TMCC2: variants seen among roughly 807,000 people sequenced by gnomAD.
The protein encoded by TMCC2 is transmembrane and coiled-coil domains protein 2.
A neutral mutation model predicts 49.4 loss-of-function variants in TMCC2; 16 were observed. The ratio of observed to expected loss-of-function variants is 0.32; its 90% CI spans 0.22 to 0.49. The LOEUF is 0.49. Among genes scored for constraint, TMCC2 ranks in the 20% least tolerant of loss-of-function variants. TMCC2 has a pLI of 0.99. For synonymous variants in TMCC2, 397 were observed against 434.1 expected, an observed-to-expected ratio of 0.91 and a Z score of 1.06; for missense variants, 762 against 989.8, an observed-to-expected ratio of 0.77 and a Z score of 3.09.
At chr1:205,229,129 G>A in intron 1 of TMCC2, 1 of 1,130,270 alleles carries the variant, frequency 8.8e-7, no homozygotes, top group Non-Finnish European at 1.1e-6. Context: ...TCCTTGCTGA[G>A]TAAGTCTCTA....
At chr1:205,249,503 G>A (rs1406266916) in intron 2 of TMCC2, among the ~76,000 whole-genome samples, 3 of 152,172 alleles carry the variant, frequency 2.0e-5, no homozygotes, top group Non-Finnish European at 4.4e-5. Flanking sequence ...AAACATGACC[G>A]CTCAGCCAGC....
chr1:205,261,350 A>G (rs537799577), intron 2 of TMCC2, among the ~76,000 whole-genome samples: 179 of 151,162 alleles, frequency 1.2e-3, no homozygotes, highest in African/African-American at 4.1e-3. Flanking sequence ...GACTACAGGC[A>G]TGCACCACCA....
At chr1:205,268,836 T>G (rs1661453239) in intron 2 of TMCC2, 114 bp from the exon 3 acceptor site, 1 of 1,020,206 alleles carries the variant, frequency 9.8e-7, no homozygotes, top group South Asian at 1.5e-5. Context: ...GGTTGTCTTC[T>G]TTTGGACTCC....
At chr1:205,231,188 T>C (rs1342649250) in intron 1 of TMCC2, among the ~76,000 whole-genome samples, 2 of 152,078 alleles carry the variant, frequency 1.3e-5, no homozygotes, top group Non-Finnish European at 2.9e-5. Context: ...CAGATGTGAC[T>C]TGGGGACTTT....
Position 205,271,977 on chromosome 1 carries a change from G to A in TMCC2, c.1983G>A (p.Val661=). 1 of 1,614,188 alleles carries A rather than the reference G, an allele frequency of 6.2e-7. No homozygotes were observed. Among genetic ancestry groups the A allele is most frequent in the South Asian group, 1.1e-5 (1 of 91,084 alleles). The change falls in exon 5 of 5, where the codon GTG becomes GTA. Residue 661 remains valine, a synonymous_variant. Coordinates refer to ENST00000358024, the MANE Select transcript of TMCC2 (RefSeq NM_014858.4). The part of the protein sequence containing the change: ...LALMAVLLVF[V]STIANFITPL... Reference sequence around the variant, plus strand: ...TCATGGCCGTGCTGCTGGTGTTCGTGTCCACCATCGCCAACTTCATCACGC... The same window carrying A: ...TCATGGCCGTGCTGCTGGTGTTCGTATCCACCATCGCCAACTTCATCACGC...
rs1453519041 is a variant in TMCC2, at chr1:205,231,557, A to G, written c.207+2786A>G. ...AGCGAAACTCCTGCCTCATTCTCCC[A>G]AAAAGCTGGGATTACAGGTGTGAGC... On this transcript the variant is annotated intron_variant, in intron 1 of 4. Transcript: ENST00000358024. Among the ~76,000 whole-genome samples, 4 of 152,290 alleles carry G rather than the reference A, an allele frequency of 2.6e-5. No homozygotes were observed. The East Asian group carries it at 7.7e-4, about 29-fold the overall frequency.
chr1:205,253,172 G>A (rs1295533143), intron 2 of TMCC2, among the ~76,000 whole-genome samples: 1 of 151,774 alleles, frequency 6.6e-6, no homozygotes, highest in Non-Finnish European at 1.5e-5. Flanking sequence ...GATTTTAAAA[G>A]GGCAGTGGGG....
chr1:205,239,262 C>G (rs1467936216), intron 1 of TMCC2, among the ~76,000 whole-genome samples: 1 of 152,206 alleles, frequency 6.6e-6, no homozygotes, highest in East Asian at 1.9e-4. Context: ...AATGCCAGAG[C>G]CAGCTGGCCC....
chr1:205,241,562 C>T lies in TMCC2; in HGVS notation c.265C>T (p.His89Tyr). Residue 89 changes from histidine to tyrosine, a missense_variant, in exon 2 of 5, where the codon CAC becomes TAC. His to Tyr is a moderately conservative substitution (Grantham distance 83). This residue lies in a region of TMCC2 where 322 missense variants were observed against 353.1 expected (regional missense o/e 0.91). Coordinates refer to ENST00000358024, the MANE Select transcript of TMCC2 (RefSeq NM_014858.4). This position sits in a 1 kb window ranked among gnomAD's most constrained non-coding sequence, Gnocchi z 7.3. Reference protein sequence around the residue: ...MFGHGLKHLFHSRRRSREREH... With the variant: ...MFGHGLKHLFYSRRRSREREH... The stretch of plus-strand genomic sequence containing the variant: ...TGGCCACGGTCTGAAGCACCTGTTC[C>T]ACAGCCGCCGTCGGTCTCGGGAAAG... The T allele has an allele frequency of 6.2e-7, 1 of 1,613,864 alleles. No individual in the cohort carries two copies. The highest frequency in any genetic ancestry group is 8.5e-7 in the Non-Finnish European group (1 of 1,180,024).
At position 205,269,166 on chromosome 1, in the gene TMCC2, A is replaced by G. The variant is rs1661471615; in HGVS notation, c.964A>G (p.Asn322Asp). 1 of 1,614,028 alleles carries G rather than the reference A, an allele frequency of 6.2e-7. No individual in the cohort carries two copies. Among genetic ancestry groups the G allele is most frequent in the Non-Finnish European group, 8.5e-7 (1 of 1,180,044 alleles). ...DNVAEYLKLA[N>D]NADKQQVSRI... ...TGTGGCAGAGTATCTGAAACTGGCC[A>G]ACAACGCGGACAAGCAGCAGGTGTC... The change falls in exon 3 of 5, where the codon AAC becomes GAC. Residue 322 changes from asparagine to aspartate, a missense_variant. Asn to Asp is a conservative substitution (Grantham distance 23). This residue lies in a region of TMCC2 where 440 missense variants were observed against 636.7 expected (regional missense o/e 0.69). Coordinates refer to ENST00000358024, the MANE Select transcript of TMCC2 (RefSeq NM_014858.4).
intron 3 of TMCC2, 108 bp from the exon 4 acceptor site, chr1:205,271,012 G>GT (rs199877886): frequency 2.0e-6 from 3 of 1,466,228 alleles, no homozygotes; most frequent in Non-Finnish European, 1.8e-6. Flanking sequence ...AGCTGGACAC[G>GT]GGGGATGGGC....
chr1:205,260,757 T>A (rs1474008404), intron 2 of TMCC2, among the ~76,000 whole-genome samples: 1 of 151,442 alleles, frequency 6.6e-6, no homozygotes, highest in Non-Finnish European at 1.5e-5. Flanking sequence ...TTCTGGATAT[T>A]TCATATAATG....
At position 205,272,218 on chromosome 1, in the gene TMCC2, C is replaced by A; in HGVS notation, c.*94C>A. ...GGACTTCTTTGTGTGTCCAGTTTGG[C>A]CTCCTGCCCAAACTGTCCATTCCAG... On this transcript the variant is annotated 3_prime_UTR_variant, in exon 5 of 5. Transcript: ENST00000358024. 2 of 1,513,976 alleles carry A rather than the reference C, an allele frequency of 1.3e-6. No individual in the cohort carries two copies. Among genetic ancestry groups the A allele is most frequent in the South Asian group, 2.6e-5 (2 of 77,528 alleles). 93.8% of individuals were successfully genotyped at this position (1,513,976 alleles called of 1,614,324 possible).
chr1:205,234,565 A>G (rs565267124), intron 1 of TMCC2, among the ~76,000 whole-genome samples: 12 of 152,342 alleles, frequency 7.9e-5, no homozygotes, highest in African/African-American at 2.9e-4. Flanking sequence ...CATCATGGAA[A>G]TACATAGAAG....
chr1:205,257,460 C>G, intron 2 of TMCC2: 1 of 1,171,264 alleles, frequency 8.5e-7, no homozygotes, highest in South Asian at 4.4e-5. Flanking sequence ...GTCAGGTGGG[C>G]TGTGCTTACA....
intron 1 of TMCC2, 89 bp downstream of exon 1, chr1:205,228,860 G>C: frequency 2.0e-6 from 3 of 1,474,336 alleles, no homozygotes; most frequent in Non-Finnish European, 2.7e-6. Flanking sequence ...ATAAAAGTGA[G>C]GGGGGAAGCC....
intron 1 of TMCC2, chr1:205,229,558 GTGGT>G (rs1558638861): frequency 1.8e-4 from 81 of 461,580 alleles, no homozygotes; most frequent in African/African-American, 1.5e-3. Flanking sequence ...GGGGGGGGGG[GTGGT>G]GGCGGGGGCG....
At chr1:205,266,156 G>A (rs1476768542) in intron 2 of TMCC2, among the ~76,000 whole-genome samples, 5 of 150,702 alleles carry the variant, frequency 3.3e-5, no homozygotes, top group African/African-American at 1.2e-4. Flanking sequence ...CAGGAGAATG[G>A]CGTGAACCCC....
intron 2 of TMCC2, among the ~76,000 whole-genome samples, chr1:205,245,108 A>G (rs1343532722): frequency 6.6e-6 from 1 of 152,128 alleles, no homozygotes; most frequent in Non-Finnish European, 1.5e-5. Flanking sequence ...GGTCTCTTTG[A>G]TGACTGGAGG....
Sources: gnomAD v4.1 joint callset for allele counts (sites outside exome capture counted in the v4.1 genomes callset) on GRCh38, gnomAD v4.1.1 for gene constraint, gnomAD v4.1.1 regional missense constraint, Gnocchi (gnomAD v3.1) non-coding constraint, MANE v1.5 for transcripts, NCBI Gene and HGNC (gene_info 2026-07-23, HGNC 2026-07-21) for gene names.